The following PCDH15 variants were observed in gnomAD, a reference collection of about 807,000 sequenced individuals.
PCDH15 encodes protocadherin-15.
Under a neutral mutation model 178.5 loss-of-function variants are expected in PCDH15, and 129 were observed. That is an observed-to-expected ratio of 0.72 (90% CI 0.63 to 0.84). The LOEUF (loss-of-function observed/expected upper bound fraction) is 0.84, where lower values mean the gene tolerates loss of function less well. Ranked by LOEUF, PCDH15 falls within the 40% of genes least tolerant of loss-of-function variation. PCDH15 has a pLI of 0.00. For synonymous variants in PCDH15, 800 were observed against 732.0 expected, an observed-to-expected ratio of 1.09 and a Z score of -1.50; for missense variants, 2,230 against 2,099.9, an observed-to-expected ratio of 1.06 and a Z score of -1.21.
intron 3 of PCDH15, among the ~76,000 whole-genome samples, chr10:54,510,156 TTC>T (rs1218055113): frequency 2.0e-5 from 3 of 152,188 alleles, no homozygotes; most frequent in Non-Finnish European, 4.4e-5. Flanking sequence ...TTGCTTTTAT[TTC>T]TGTTTGTTTA....
In PCDH15 at chr10:53,806,550, A is replaced by G; in HGVS notation, c.*29T>C. 6.7e-7 allele frequency: 1 copy of G among 1,494,238 alleles called. No homozygotes were observed. Among genetic ancestry groups the G allele is most frequent in the Non-Finnish European group, 9.0e-7 (1 of 1,107,476 alleles). The allele number at this position is 1,494,238 out of a possible 1,614,324, so 92.6% of individuals were successfully genotyped here. On this transcript the variant is annotated 3_prime_UTR_variant, in exon 38 of 38. Coordinates refer to ENST00000644397, the MANE Select transcript of PCDH15 (RefSeq NM_001384140.1). ...CAGTTTATTAAAAATGTAAGTAAAA[A>G]TTAATTAAAATATCTTTTAAAAAAT...
At chr10:54,362,663 A>AGGT (rs1946224414) in intron 5 of PCDH15, among the ~76,000 whole-genome samples, 1 of 152,042 alleles carries the variant, frequency 6.6e-6, no homozygotes, top group African/African-American at 2.4e-5. Flanking sequence ...CGTCTAGAAA[A>AGGT]ACCTTTCAAC....
chr10:55,584,570 T>C (rs1190434613), intron 2 of PCDH15, among the ~76,000 whole-genome samples: 1 of 145,206 alleles, frequency 6.9e-6, no homozygotes, highest in Non-Finnish European at 1.5e-5. Flanking sequence ...GGCAGGAAAA[T>C]TACTTAAACT....
At chr10:55,334,595 T>C (rs67865368) in intron 2 of PCDH15, among the ~76,000 whole-genome samples, 33,301 of 151,782 alleles carry the variant, frequency 0.22, 4,310 homozygotes, top group African/African-American at 0.36. Context: ...GCGTGAGCCA[T>C]GGTGCCCGGC....
At chr10:54,260,043 T>C (rs899034595) in intron 8 of PCDH15, among the ~76,000 whole-genome samples, 4 of 152,322 alleles carry the variant, frequency 2.6e-5, no homozygotes, top group Non-Finnish European at 2.9e-5. Flanking sequence ...AGGAAAGATA[T>C]AACCTGTCAA....
intron 3 of PCDH15, among the ~76,000 whole-genome samples, chr10:54,456,663 G>C (rs1400477542): frequency 2.0e-5 from 3 of 152,140 alleles, no homozygotes; most frequent in Non-Finnish European, 2.9e-5. Flanking sequence ...GAGTACGTGA[G>C]ATTTGGGAGG....
intron 2 of PCDH15, among the ~76,000 whole-genome samples, chr10:55,117,014 T>C (rs1837643610): frequency 6.6e-6 from 1 of 152,212 alleles, no homozygotes; most frequent in African/African-American, 2.4e-5. Context: ...TAATCCTTCT[T>C]CACAACTATC....
chr10:55,139,729 C>G (rs913589252), intron 2 of PCDH15, among the ~76,000 whole-genome samples: 54 of 152,020 alleles, frequency 3.6e-4, no homozygotes, highest in African/African-American at 1.2e-3. Flanking sequence ...CTTCCTCCCT[C>G]TTTATTTCTA....
intron 15 of PCDH15, among the ~76,000 whole-genome samples, chr10:54,090,386 T>C (rs2094580223): frequency 6.6e-6 from 1 of 152,222 alleles, no homozygotes; most frequent in Non-Finnish European, 1.5e-5. Context: ...CTCAAGCCTG[T>C]AATCCTAGCA....
chr10:54,195,961 T>G (rs560253254), intron 10 of PCDH15, 72 bp from the exon 11 acceptor site: 70 of 1,359,126 alleles, frequency 5.2e-5, no homozygotes, highest in Non-Finnish European at 6.8e-5. Context: ...TCACTTTTCA[T>G]GCAATATATA....
At chr10:54,002,683 G>T (rs929325690) in intron 20 of PCDH15, among the ~76,000 whole-genome samples, 3 of 152,184 alleles carry the variant, frequency 2.0e-5, no homozygotes, top group Non-Finnish European at 4.4e-5. Context: ...ATAGTGAGGT[G>T]TGGAGTTGGC....
chr10:55,148,097 T>A (rs1393251763), intron 2 of PCDH15, among the ~76,000 whole-genome samples: 2 of 124,060 alleles, frequency 1.6e-5, no homozygotes, highest in Non-Finnish European at 3.5e-5. Flanking sequence ...AAAAAAATTC[T>A]GTATCTTACA....
intron 3 of PCDH15, among the ~76,000 whole-genome samples, chr10:54,822,596 TA>T (rs1953063947): frequency 6.6e-6 from 1 of 152,170 alleles, no homozygotes; most frequent in South Asian, 2.1e-4. Context: ...GTAATAAGCA[TA>T]GGGGTGCAAG....
intron 1 of PCDH15, among the ~76,000 whole-genome samples, chr10:55,304,144 G>A (rs528690438): frequency 3.5e-4 from 54 of 152,194 alleles, no homozygotes; most frequent in African/African-American, 1.2e-3. Context: ...TGGTCTGGGT[G>A]GGTGTGACCA....
At chr10:54,223,745 G>A (rs908280209) in intron 9 of PCDH15, among the ~76,000 whole-genome samples, 20 of 151,876 alleles carry the variant, frequency 1.3e-4, no homozygotes, top group African/African-American at 4.4e-4. Flanking sequence ...GAAGATGGAT[G>A]TACAATCTGT....
At chr10:54,862,870 C>A (rs1953868316) in intron 3 of PCDH15, among the ~76,000 whole-genome samples, 1 of 152,096 alleles carries the variant, frequency 6.6e-6, no homozygotes, top group Non-Finnish European at 1.5e-5. Context: ...ACCAAATAAA[C>A]CTCTTTTCTT....
At chr10:54,935,759 AT>A (rs1429322221) in intron 2 of PCDH15, among the ~76,000 whole-genome samples, 4 of 151,958 alleles carry the variant, frequency 2.6e-5, no homozygotes, top group South Asian at 2.1e-4. Context: ...TTGCCTCTGA[AT>A]TTTTTTATAC....
intron 23 of PCDH15, among the ~76,000 whole-genome samples, chr10:53,949,711 G>A (rs765084203): frequency 2.0e-5 from 3 of 151,280 alleles, no homozygotes; most frequent in Non-Finnish European, 4.4e-5. Flanking sequence ...AAGACAGAAT[G>A]AGATCTTGTC....
chr10:54,736,884 G>GCAT (rs1944197195), intron 1 of PCDH15, among the ~76,000 whole-genome samples: 2 of 152,060 alleles, frequency 1.3e-5, no homozygotes, highest in South Asian at 4.1e-4. Context: ...GTCACTGATG[G>GCAT]CATCAGGTAT....
Sources: allele counts gnomAD v4.1 joint callset (sites outside exome capture counted in the v4.1 genomes callset), GRCh38; gene constraint gnomAD v4.1.1; transcripts MANE v1.5; gene names NCBI Gene and HGNC (gene_info 2026-07-23, HGNC 2026-07-21).